Variants in IL4R observed in about 807,000 individuals in gnomAD.
The protein encoded by IL4R is interleukin 4 receptor.
A neutral mutation model predicts 41.5 loss-of-function variants in IL4R; 17 were observed. That is an observed-to-expected ratio of 0.41 (90% CI 0.28 to 0.61). The LOEUF is 0.61. Ranked by LOEUF, IL4R falls within the 20% of genes least tolerant of loss-of-function variation. IL4R has a pLI of 0.31. For synonymous variants in IL4R, 402 were observed against 422.9 expected (o/e 0.95, Z 0.61); for missense variants, 974 against 1,043.1 (o/e 0.93, Z 0.91).
At position 27,363,951 on chromosome 16, in the gene IL4R, G is replaced by C. The variant is rs555096635; in HGVS notation, c.*121G>C. 3.6e-4 allele frequency: 439 copies of C among 1,207,680 alleles called. 1 individual carries two copies. Among genetic ancestry groups the C allele is most frequent in the Non-Finnish European group, 2.4e-5 (21 of 866,088 alleles). 74.8% of individuals were successfully genotyped at this position (1,207,680 alleles called of 1,614,324 possible). ...TTTCCAAAAGACTTGAAGAACCATG[G>C]TATGAAGGTGATTGGCCCCACTGAC... On this transcript the variant is annotated 3_prime_UTR_variant, in exon 11 of 11. Transcript: ENST00000395762.
At chr16:27,332,620 C>T (rs894818383) in intron 2 of IL4R, among the ~76,000 whole-genome samples, 1 of 151,914 alleles carries the variant, frequency 6.6e-6, no homozygotes, top group Non-Finnish European at 1.5e-5. Flanking sequence ...TTTCGAAGAA[C>T]CAATTTTTGA....
At chr16:27,327,699 G>A (rs777316896) in intron 1 of IL4R, among the ~76,000 whole-genome samples, 1 of 152,066 alleles carries the variant, frequency 6.6e-6, no homozygotes, top group South Asian at 2.1e-4. Context: ...CAATGCCTAG[G>A]TTATGGTTCT....
Position 27,364,078 on chromosome 16 carries a change from G to A in IL4R, c.*248G>A, listed in dbSNP as rs1195786484. 10 of 476,204 alleles carry A rather than the reference G, an allele frequency of 2.1e-5. No individual in the cohort carries two copies. Among genetic ancestry groups the A allele is most frequent in the Middle Eastern group, 5.5e-4 (1 of 1,824 alleles). The allele number at this position is 476,204 out of a possible 1,614,324, so 29.5% of individuals were successfully genotyped here. A position where few individuals can be genotyped will look rare whatever the true frequency, so the allele number is the denominator to read the frequency against. ...AGGGCACTGGGTCGCCGTGCCCCAC[G>A]GCAGGCCCCTGCAGGAAAACTGAGG... is the stretch of plus-strand genomic sequence containing the variant. On this transcript the variant is annotated 3_prime_UTR_variant, in exon 11 of 11. Coordinates refer to ENST00000395762, the MANE Select transcript of IL4R (RefSeq NM_000418.4).
intron 9 of IL4R, 76 bp from the exon 10 acceptor site, chr16:27,360,690 C>G: frequency 6.3e-7 from 1 of 1,587,730 alleles, no homozygotes; most frequent in Non-Finnish European, 8.6e-7. Flanking sequence ...GCTTGTACCC[C>G]TTCCTGAGCA....
At chr16:27,359,210 T>C (rs568664165) in intron 9 of IL4R, among the ~76,000 whole-genome samples, 1 of 152,290 alleles carries the variant, frequency 6.6e-6, no homozygotes, top group Non-Finnish European at 1.5e-5. Flanking sequence ...TGGGGTGGGC[T>C]TCTCTGGGGT....
chr16:27,362,664 A>T lies in IL4R; in HGVS notation c.1312A>T (p.Ser438Cys), dbSNP rs748826199. 1 of 1,614,134 alleles carries T rather than the reference A, an allele frequency of 6.2e-7. No individual in the cohort carries two copies. The highest frequency in any genetic ancestry group is 8.5e-7 in the Non-Finnish European group (1 of 1,180,004). The change falls in exon 11 of 11, where the codon AGT becomes TGT. Residue 438 changes from serine to cysteine, a missense_variant. Transcript: ENST00000395762. ...GESCLLPPSG[S>C]TSAHMPWDEF... ...GTCATGCCTTCTTCCACCTTCGGGAAGTACGAGTGCTCACATGCCCTGGGA... is the reference window on the plus strand; with the variant it reads ...GTCATGCCTTCTTCCACCTTCGGGATGTACGAGTGCTCACATGCCCTGGGA...
At chr16:27,355,981 G>T (rs2086060603) in intron 8 of IL4R, 74 bp downstream of exon 8, 1 of 972,650 alleles carries the variant, frequency 1.0e-6, no homozygotes, top group African/African-American at 1.6e-5. Flanking sequence ...CCTCTAGTCT[G>T]CCCCTTTGCA....
chr16:27,319,470 A>G (rs2084748371), intron 1 of IL4R, among the ~76,000 whole-genome samples: 1 of 152,194 alleles, frequency 6.6e-6, no homozygotes, highest in African/African-American at 2.4e-5. Flanking sequence ...TCTATGCCTG[A>G]GTGCTGAAGA....
rs750525769 is a variant in IL4R, at chr16:27,346,534, G to A, written c.429G>A (p.Trp143Ter). The change falls in exon 6 of 11, where the codon TGG (tryptophan) becomes TGA (stop). Residue 143 changes from tryptophan to a stop codon, truncating the protein, a stop_gained. Coordinates refer to ENST00000395762, the MANE Select transcript of IL4R (RefSeq NM_000418.4). LOFTEE classifies it high-confidence loss of function. ...TNVSDTLLLT[W>*]SNPYPPDNYL... ...TCTCCGACACTCTGCTGCTGACCTG[G>A]AGCAACCCGTATCCCCCTGACAATT... The A allele has an allele frequency of 3.1e-6, 5 of 1,614,116 alleles. No individual in the cohort carries two copies. Among genetic ancestry groups the A allele is most frequent in the Non-Finnish European group, 4.2e-6 (5 of 1,179,978 alleles).
Position 27,329,270 on chromosome 16 carries a change from A to T in IL4R, c.-151-796A>T, listed in dbSNP as rs985287469. ...GCTATGCTTCCTGTACAGCCTGCAG[A>T]GCCATAAGCCAATTAAACCTCTTTT... On this transcript the variant is annotated intron_variant, in intron 1 of 10. Transcript: ENST00000395762. Among the ~76,000 whole-genome samples, 3 of 152,104 alleles carry T rather than the reference A, an allele frequency of 2.0e-5. No homozygotes were observed. The East Asian group carries it at 5.8e-4, about 29-fold the overall frequency.
Position 27,331,603 on chromosome 16 carries a change from G to A in IL4R, c.-19+1405G>A, listed in dbSNP as rs570011806. 6.6e-5 allele frequency among the ~76,000 whole-genome samples: 10 copies of A among 152,164 alleles called. No homozygotes were observed. The South Asian group carries it at 1.9e-3, about 28-fold the overall frequency. On this transcript the variant is annotated intron_variant, in intron 2 of 10. Coordinates refer to ENST00000395762, the MANE Select transcript of IL4R (RefSeq NM_000418.4). ...CTCCTGGGATTATCAGGCCCTCTCT[G>A]TGTTGGTTGTTGTCATACATGACAG...
chr16:27,363,480 G>C lies in IL4R; in HGVS notation c.2128G>C (p.Gly710Arg). ...CCCCCTTGTGGACAGCCTGGGCAGT[G>C]GCATTGTCTACTCAGCCCTTACCTG... ...TDPLVDSLGS[G>R]IVYSALTCHL... The change falls in exon 11 of 11, where the codon GGC becomes CGC. Residue 710 changes from glycine (G) to arginine (R), a missense_variant. This residue lies in a region of IL4R where 682 missense variants were observed against 704.3 expected (regional missense o/e 0.97). Coordinates refer to ENST00000395762, the MANE Select transcript of IL4R (RefSeq NM_000418.4). 6.2e-7 allele frequency: 1 copy of C among 1,614,124 alleles called. No individual in the cohort carries two copies.
intron 8 of IL4R, among the ~76,000 whole-genome samples, chr16:27,358,680 C>T (rs2086178940): frequency 1.3e-5 from 2 of 152,194 alleles, no homozygotes; most frequent in Admixed American, 6.5e-5. Context: ...CTGGCTCTGC[C>T]ACCTACCAGC....
At chr16:27,322,565 CTG>C (rs1447527637) in intron 1 of IL4R, among the ~76,000 whole-genome samples, 1 of 152,096 alleles carries the variant, frequency 6.6e-6, no homozygotes, top group Non-Finnish European at 1.5e-5. Flanking sequence ...TAAAAATTAG[CTG>C]GGTGTGGTGG....
intron 1 of IL4R, among the ~76,000 whole-genome samples, chr16:27,327,991 C>T (rs1358995106): frequency 6.6e-6 from 1 of 151,892 alleles, no homozygotes; most frequent in East Asian, 1.9e-4. Flanking sequence ...GCAGGCGGAT[C>T]AGGAGGTCAA....
chr16:27,363,834 C>T lies in IL4R; in HGVS notation c.*4C>T, dbSNP rs1288700133. 1 of 1,597,226 alleles carries T rather than the reference C, an allele frequency of 6.3e-7. No individual in the cohort carries two copies. The highest frequency in any genetic ancestry group is 8.5e-7 in the Non-Finnish European group (1 of 1,177,266). On this transcript the variant is annotated 3_prime_UTR_variant, in exon 11 of 11. Coordinates refer to ENST00000395762, the MANE Select transcript of IL4R (RefSeq NM_000418.4). The stretch of plus-strand genomic sequence containing the variant: ...CACATACATGAGGGTCTCTTAGGTG[C>T]ATGTCCTCTTGTTGCTGAGTCTGCA...
intron 6 of IL4R, among the ~76,000 whole-genome samples, chr16:27,349,947 C>T (rs571673280): frequency 1.1e-3 from 163 of 152,300 alleles, no homozygotes; most frequent in Non-Finnish European, 1.7e-3. Flanking sequence ...GACAGGGTCT[C>T]GCCATGTTGT....
At chr16:27,340,719 CA>C (rs915859628) in intron 3 of IL4R, among the ~76,000 whole-genome samples, 3 of 148,806 alleles carry the variant, frequency 2.0e-5, no homozygotes, top group East Asian at 3.9e-4. Context: ...GAGACCCTGT[CA>C]AAAAAAAAGA....
chr16:27,314,247 G>C (rs531071669), intron 1 of IL4R: 1 of 433,412 alleles, frequency 2.3e-6, no homozygotes, highest in East Asian at 1.6e-4. Flanking sequence ...TGGACACCCA[G>C]CGCTCCCCAA....
Sources: gnomAD v4.1 joint callset for allele counts (sites outside exome capture counted in the v4.1 genomes callset) on GRCh38, gnomAD v4.1.1 for gene constraint, gnomAD v4.1.1 regional missense constraint, MANE v1.5 for transcripts, NCBI Gene and HGNC (gene_info 2026-07-23, HGNC 2026-07-21) for gene names.